The following NDEL1 variants were observed in gnomAD, a reference collection of about 807,000 sequenced individuals.
The protein encoded by NDEL1 is nuclear distribution protein nudE-like 1.
In NDEL1, 9 loss-of-function variants were observed where a neutral mutation model predicts 45.7. The observed-to-expected ratio is 0.20, with a 90% CI of 0.12 to 0.34. The LOEUF (loss-of-function observed/expected upper bound fraction) is 0.34. NDEL1 is among the 10% of genes least tolerant of loss of function. The probability of loss-of-function intolerance (pLI) is 1.00; values close to 1 mark genes in which losing one functional copy is unlikely to be tolerated. For missense variants in NDEL1, 306 were observed against 406.2 expected, an observed-to-expected ratio of 0.75 and a Z score of 2.12; for synonymous variants, 133 against 158.6, an observed-to-expected ratio of 0.84 and a Z score of 1.21.
At chr17:8,440,782 A>G (rs772740935) in intron 1 of NDEL1, among the ~76,000 whole-genome samples, 1 of 152,224 alleles carries the variant, frequency 6.6e-6, no homozygotes, top group African/African-American at 2.4e-5. Context: ...AAACAATGCT[A>G]TTCCTCAGGG....
chr17:8,428,825 C>T (rs1013367971), intron 1 of NDEL1, among the ~76,000 whole-genome samples: 4 of 152,014 alleles, frequency 2.6e-5, no homozygotes, highest in African/African-American at 7.3e-5. Context: ...GGGCTCCTGC[C>T]ACCACGCCCG....
chr17:8,430,428 T>C (rs1396946412), intron 1 of NDEL1, among the ~76,000 whole-genome samples: 1 of 152,236 alleles, frequency 6.6e-6, no homozygotes, highest in Non-Finnish European at 1.5e-5. Context: ...GTGCATTACA[T>C]ATCACCTTCT....
chr17:8,468,965 C>T (rs1400168270), downstream of NDEL1, among the ~76,000 whole-genome samples: 3 of 152,176 alleles, frequency 2.0e-5, no homozygotes, highest in Non-Finnish European at 4.4e-5. Context: ...GATCATGTCA[C>T]TGCACTCCAG....
At chr17:8,424,512 T>C (rs1035953154) in intron 1 of NDEL1, among the ~76,000 whole-genome samples, 5 of 152,204 alleles carry the variant, frequency 3.3e-5, no homozygotes, top group African/African-American at 1.2e-4. Flanking sequence ...TTGTTTTTCT[T>C]TTGTTTTGAG....
intron 8 of NDEL1, among the ~76,000 whole-genome samples, chr17:8,460,813 C>G (rs1462560711): frequency 6.6e-6 from 1 of 152,158 alleles, no homozygotes; most frequent in Admixed American, 6.5e-5. Context: ...TGCATCTGCT[C>G]TAAGTTGTTT....
intron 7 of NDEL1, among the ~76,000 whole-genome samples, chr17:8,458,832 T>G (rs1911017337): frequency 6.6e-6 from 1 of 152,174 alleles, no homozygotes; most frequent in South Asian, 2.1e-4. Context: ...GTTCCAGTGA[T>G]TCTTGTGCCT....
upstream of NDEL1, among the ~76,000 whole-genome samples, chr17:8,433,911 C>G (rs1178736491): frequency 6.6e-6 from 1 of 152,136 alleles, no homozygotes; most frequent in African/African-American, 2.4e-5. Context: ...TAATATGTTA[C>G]CTTTCCCACA....
intron 1 of NDEL1, among the ~76,000 whole-genome samples, chr17:8,428,328 GTGTGTGTGT>G (rs1908894805): frequency 1.1e-4 from 14 of 130,530 alleles, no homozygotes; most frequent in South Asian, 2.4e-4. Flanking sequence ...TGTGTGGTGT[GTGTGTGTGT>G]GTGTGTGTGT....
At chr17:8,471,181 G>A (rs369474970), downstream of NDEL1, among the ~76,000 whole-genome samples, 2 of 152,224 alleles carry the variant, frequency 1.3e-5, no homozygotes, top group South Asian at 2.1e-4. Context: ...ACAGATTTTC[G>A]CTCTTGTTGC....
chr17:8,423,470 G>C (rs1426674698), intron 1 of NDEL1, among the ~76,000 whole-genome samples: 1 of 152,136 alleles, frequency 6.6e-6, no homozygotes, highest in South Asian at 2.1e-4. Context: ...GATTGCCTGA[G>C]GCCAGGCGGT....
At chr17:8,463,959 G>A (rs79384003) in intron 8 of NDEL1, among the ~76,000 whole-genome samples, 189 of 152,348 alleles carry the variant, frequency 1.2e-3, no homozygotes, top group African/African-American at 4.4e-3. Flanking sequence ...CAGGTGTGGC[G>A]TGTGCCTGCC....
chr17:8,424,375 A>G (rs1037668932), intron 1 of NDEL1, among the ~76,000 whole-genome samples: 3 of 152,352 alleles, frequency 2.0e-5, no homozygotes, highest in Middle Eastern at 3.4e-3. Flanking sequence ...TTGCTAAACA[A>G]TGCTTTGATG....
At position 8,415,932 on chromosome 17, in the gene NDEL1, A is replaced by T. The variant is rs141935284; in HGVS notation, c.-13+2663A>T. Among the ~76,000 whole-genome samples the T allele has an allele frequency of 3.9e-5, 6 of 152,146 alleles. 1 individual carries two copies. The East Asian group carries it at 1.2e-3, about 29-fold the overall frequency. ...CCGGCTACTTTTTTGTATTTTTAGTAGAGATGGGGTTTCACCATGATGGCC... is the reference window on the plus strand; with the variant it reads ...CCGGCTACTTTTTTGTATTTTTAGTTGAGATGGGGTTTCACCATGATGGCC... On this transcript the variant is annotated intron_variant, in intron 1 of 4. Transcript: ENST00000582812.
chr17:8,422,496 C>T (rs1908728588), intron 1 of NDEL1, among the ~76,000 whole-genome samples: 2 of 151,688 alleles, frequency 1.3e-5, no homozygotes, highest in African/African-American at 2.4e-5. Flanking sequence ...TTTATCTTGT[C>T]CCCAGCACTT....
Position 8,460,047 on chromosome 17 carries a change from A to G in NDEL1, c.831A>G (p.Ala277=), listed in dbSNP as rs1236365506. ...ESKLAACRNF[A]KDQASRKSYI... is the part of the protein sequence containing the mutation. Reference sequence around the variant, plus strand: ...AATTAGCAGCTTGCAGGAATTTTGCAAAGGACCAAGCATCACGAAAATCCT... The same window carrying G: ...AATTAGCAGCTTGCAGGAATTTTGCGAAGGACCAAGCATCACGAAAATCCT... The change falls in exon 8 of 9, where the codon GCA becomes GCG. Residue 277 remains alanine, a synonymous_variant. Transcript: ENST00000334527. 6.2e-7 allele frequency: 1 copy of G among 1,613,608 alleles called. No individual in the cohort carries two copies. Among genetic ancestry groups the G allele is most frequent in the Non-Finnish European group, 8.5e-7 (1 of 1,179,834 alleles).
At chr17:8,471,781 C>T (rs982019092), downstream of NDEL1, among the ~76,000 whole-genome samples, 1 of 152,208 alleles carries the variant, frequency 6.6e-6, no homozygotes, top group Non-Finnish European at 1.5e-5. Context: ...GCTTGATTCC[C>T]AAATGGCAGG....
chr17:8,447,564 T>A (rs1910164071), intron 4 of NDEL1, among the ~76,000 whole-genome samples: 1 of 152,240 alleles, frequency 6.6e-6, no homozygotes, highest in Non-Finnish European at 1.5e-5. Flanking sequence ...ATTCTGTAGT[T>A]ATCCTCTAGC....
chr17:8,458,719 T>A (rs1278776689), intron 7 of NDEL1, among the ~76,000 whole-genome samples: 1 of 152,096 alleles, frequency 6.6e-6, no homozygotes, highest in African/African-American at 2.4e-5. Context: ...AAAGTTTGTC[T>A]GTTTTTGTTG....
intron 1 of NDEL1, among the ~76,000 whole-genome samples, chr17:8,417,213 T>A (rs1908565720): frequency 6.6e-6 from 1 of 152,082 alleles, no homozygotes; most frequent in Admixed American, 6.6e-5. Context: ...GCCTCCCATG[T>A]CGAAGTGATT....
Sources: gnomAD v4.1 joint callset for allele counts (sites outside exome capture counted in the v4.1 genomes callset) on GRCh38, gnomAD v4.1.1 for gene constraint, MANE v1.5 for transcripts, NCBI Gene and HGNC (gene_info 2026-07-23, HGNC 2026-07-21) for gene names.